Variants in RAB6A observed in about 807,000 individuals in gnomAD.
RAB6A encodes RAB6A, member RAS oncogene family.
A neutral mutation model predicts 32.3 loss-of-function variants in RAB6A; 8 were observed. The observed-to-expected ratio is 0.25, with a 90% confidence interval of 0.15 to 0.45. RAB6A has a LOEUF of 0.45. Among genes scored for constraint, RAB6A ranks in the 20% least tolerant of loss-of-function variants. The pLI, the probability that RAB6A is intolerant of heterozygous loss-of-function variation, is 1.00. For synonymous variants in RAB6A, 73 were observed against 82.1 expected, an observed-to-expected ratio of 0.89 and a Z score of 0.60; for missense variants, 104 against 249.4, an observed-to-expected ratio of 0.42 and a Z score of 3.93.
At chr11:73,742,537 C>A (rs1010150965) in intron 1 of RAB6A, among the ~76,000 whole-genome samples, 12 of 151,980 alleles carry the variant, frequency 7.9e-5, no homozygotes, top group Non-Finnish European at 1.6e-4. Flanking sequence ...ATGGGCCAGG[C>A]GTGGTGGCTC....
At chr11:73,714,464 A>G (rs568530678) in intron 5 of RAB6A, among the ~76,000 whole-genome samples, 1 of 151,760 alleles carries the variant, frequency 6.6e-6, no homozygotes, top group East Asian at 1.9e-4. Context: ...GTTTGAGACC[A>G]GCCTGGCCAA....
At chr11:73,734,247 T>A (rs975581670) in intron 1 of RAB6A, among the ~76,000 whole-genome samples, 1 of 152,152 alleles carries the variant, frequency 6.6e-6, no homozygotes, top group African/African-American at 2.4e-5. Context: ...TGCCTCAGCC[T>A]CCTGGGTAGC....
At chr11:73,737,514 A>G (rs147667864) in intron 1 of RAB6A, among the ~76,000 whole-genome samples, 168 of 152,182 alleles carry the variant, frequency 1.1e-3, no homozygotes, top group African/African-American at 3.7e-3. Flanking sequence ...CTAAATGATA[A>G]TGAAATCATT....
chr11:73,703,912 C>T (rs969326175), intron 6 of RAB6A, among the ~76,000 whole-genome samples: 1 of 151,798 alleles, frequency 6.6e-6, no homozygotes, highest in African/African-American at 2.4e-5. Context: ...CGCCTGTAGT[C>T]CCAGCTATTT....
chr11:73,684,506 ATAGAG>A (rs899236679), intron 6 of RAB6A, among the ~76,000 whole-genome samples: 6 of 152,236 alleles, frequency 3.9e-5, no homozygotes, highest in South Asian at 2.1e-4. Context: ...AATGCTATTA[ATAGAG>A]TACAGTATAG....
At chr11:73,725,825 G>GT (rs1275602047) in intron 2 of RAB6A, among the ~76,000 whole-genome samples, 1 of 152,114 alleles carries the variant, frequency 6.6e-6, no homozygotes, top group Non-Finnish European at 1.5e-5. Context: ...AAGGAGAAAG[G>GT]TAAGACAGAA....
At chr11:73,753,605 G>A (rs1009657243) in intron 1 of RAB6A, among the ~76,000 whole-genome samples, 5 of 151,966 alleles carry the variant, frequency 3.3e-5, no homozygotes, top group Non-Finnish European at 7.4e-5. Context: ...CAGCTACTCC[G>A]GAGGCTGAGG....
intron 6 of RAB6A, among the ~76,000 whole-genome samples, chr11:73,706,458 G>C (rs1054664894): frequency 2.6e-4 from 39 of 151,380 alleles, no homozygotes; most frequent in Admixed American, 1.2e-3. Context: ...AGCTTGCAGT[G>C]AGCCGAGATC....
chr11:73,748,516 A>G (rs972614591), intron 1 of RAB6A, among the ~76,000 whole-genome samples: 1 of 152,320 alleles, frequency 6.6e-6, no homozygotes, highest in Admixed American at 6.5e-5. Flanking sequence ...TGTCTCTAAA[A>G]AATAAATAGA....
intron 5 of RAB6A, among the ~76,000 whole-genome samples, chr11:73,708,822 C>A (rs775821342): frequency 2.6e-5 from 4 of 152,166 alleles, no homozygotes; most frequent in Non-Finnish European, 5.9e-5. Context: ...TATCCTACCT[C>A]TAGTCCTATT....
chr11:73,714,229 T>TATATATATATATATATATATAC (rs79775489), intron 5 of RAB6A, among the ~76,000 whole-genome samples: 3 of 117,518 alleles, frequency 2.6e-5, no homozygotes, highest in Admixed American at 1.0e-4. Context: ...TATATATATA[T>TATATATATATATATATATATAC]ACACACATAT....
intron 1 of RAB6A, among the ~76,000 whole-genome samples, chr11:73,744,419 G>A (rs1190165625): frequency 6.7e-6 from 1 of 148,938 alleles, no homozygotes; most frequent in East Asian, 2.0e-4. Context: ...GCTGAGGGAG[G>A]AGTATCACTT....
intron 6 of RAB6A, among the ~76,000 whole-genome samples, chr11:73,697,929 C>A (rs1034883281): frequency 2.0e-5 from 3 of 152,104 alleles, no homozygotes; most frequent in Non-Finnish European, 2.9e-5. Context: ...ATACTGAAGT[C>A]CTACTGTGGG....
At chr11:73,705,641 T>C (rs1220087147) in intron 6 of RAB6A, among the ~76,000 whole-genome samples, 1 of 152,112 alleles carries the variant, frequency 6.6e-6, no homozygotes, top group Non-Finnish European at 1.5e-5. Flanking sequence ...CTTAGAATAG[T>C]GGCATATGGC....
chr11:73,725,284 G>A (rs1946198519), intron 2 of RAB6A, among the ~76,000 whole-genome samples: 1 of 152,158 alleles, frequency 6.6e-6, no homozygotes, highest in Non-Finnish European at 1.5e-5. Flanking sequence ...AAAAGTGCTT[G>A]GTAAACTGAT....
At chr11:73,689,009 G>A (rs1777639969) in intron 6 of RAB6A, among the ~76,000 whole-genome samples, 1 of 152,068 alleles carries the variant, frequency 6.6e-6, no homozygotes, top group Admixed American at 6.6e-5. Flanking sequence ...TGTAGTCCAA[G>A]CTATTCAGGA....
chr11:73,678,283 T>C (rs1231818677), intron 7 of RAB6A, among the ~76,000 whole-genome samples: 1 of 152,188 alleles, frequency 6.6e-6, no homozygotes, highest in Non-Finnish European at 1.5e-5. Flanking sequence ...GAAAATAGCC[T>C]ACAAGATAGT....
At position 73,718,627 on chromosome 11, in the gene RAB6A, A is replaced by G; in HGVS notation, c.275T>C (p.Val92Ala). 6.2e-7 allele frequency: 1 copy of G among 1,613,366 alleles called. No individual in the cohort carries two copies. The highest frequency in any genetic ancestry group is 8.5e-7 in the Non-Finnish European group (1 of 1,179,630). Residue 92 changes from valine to alanine, a missense_variant, in exon 4 of 8, where the codon GTT (valine) becomes GCT (alanine). Around this residue, in one of 4 missense-constraint regions of RAB6A, gnomAD observed 48 missense variants for 155.2 expected, o/e 0.31. Coordinates refer to ENST00000336083, the MANE Select transcript of RAB6A (RefSeq NM_198896.2). ...CCTCCACTCACTTGTGATATCATAA[A>G]CAACAACTGCCACAGTGGAGTCACG... The part of the protein sequence containing the change: ...YIRDSTVAVV[V>A]YDITNVNSFQ...
chr11:73,724,836 G>T (rs557801812), intron 2 of RAB6A, among the ~76,000 whole-genome samples: 2 of 152,220 alleles, frequency 1.3e-5, no homozygotes, highest in Admixed American at 1.3e-4. Flanking sequence ...TAAATTATTT[G>T]ATTAACTGTT....
Sources: allele counts gnomAD v4.1 joint callset (sites outside exome capture counted in the v4.1 genomes callset), GRCh38; gene constraint gnomAD v4.1.1; regional missense constraint gnomAD v4.1.1; transcripts MANE v1.5; gene names NCBI Gene and HGNC (gene_info 2026-07-23, HGNC 2026-07-21).